The following WIPI1 variants were observed in gnomAD, a reference collection of about 807,000 sequenced individuals.
The protein encoded by WIPI1 is WD repeat domain, phosphoinositide interacting 1.
Under a neutral mutation model 55.3 loss-of-function variants are expected in WIPI1, and 45 were observed. The ratio of observed to expected loss-of-function variants is 0.81; its 90% confidence interval spans 0.64 to 1.04. The LOEUF (loss-of-function observed/expected upper bound fraction) is 1.04, where lower values mean the gene tolerates loss of function less well. Ranked by LOEUF, WIPI1 falls within the 50% of genes least tolerant of loss-of-function variation. The probability of loss-of-function intolerance (pLI) is 0.00; values close to 1 mark genes in which losing one functional copy is unlikely to be tolerated. For missense variants in WIPI1, 445 were observed against 559.0 expected (o/e 0.80, Z 2.06); for synonymous variants, 195 against 217.6 (o/e 0.90, Z 0.92).
chr17:68,453,144 G>A (rs1003807018), intron 1 of WIPI1, 152 bp from the exon 2 acceptor site: 6 of 562,628 alleles, frequency 1.1e-5, no homozygotes, highest in Non-Finnish European at 1.9e-5. Flanking sequence ...AAATGGTGAC[G>A]CATGTCTTGA....
chr17:68,436,266 T>C, intron 5 of WIPI1, 116 bp downstream of exon 5: 1 of 871,024 alleles, frequency 1.1e-6, no homozygotes, highest in Non-Finnish European at 1.9e-6. Flanking sequence ...AACTCCCCAG[T>C]ATTGCTTACT....
At chr17:68,450,979 G>A (rs1016318265) in intron 2 of WIPI1, 82 bp from the exon 3 acceptor site, 14 of 1,511,408 alleles carry the variant, frequency 9.3e-6, no homozygotes, top group African/African-American at 7.0e-5. Flanking sequence ...TGGGCCCGGC[G>A]CAGGCCAGGT....
At chr17:68,433,667 G>T in intron 7 of WIPI1, 92 bp from the exon 8 acceptor site, 1 of 915,236 alleles carries the variant, frequency 1.1e-6, no homozygotes, top group Non-Finnish European at 1.7e-6. Flanking sequence ...AAAATCAGAT[G>T]TATCCTGAAG....
chr17:68,426,254 G>GGGGGGGCCCCCCC, intron 11 of WIPI1, 79 bp from the exon 12 acceptor site: 1 of 816,922 alleles, frequency 1.2e-6, no homozygotes, highest in Non-Finnish European at 1.9e-6. Context: ...GGGAGCGGGG[G>GGGGGGGCCCCCCC]CTCAAATAAA....
At chr17:68,438,940 T>C (rs945308248) in intron 4 of WIPI1, among the ~76,000 whole-genome samples, 1 of 152,142 alleles carries the variant, frequency 6.6e-6, no homozygotes, top group Admixed American at 6.5e-5. Flanking sequence ...AAAAACACGA[T>C]GAGATACCAC....
intron 5 of WIPI1, among the ~76,000 whole-genome samples, chr17:68,436,132 T>C (rs1486052233): frequency 6.6e-6 from 1 of 152,230 alleles, no homozygotes; most frequent in Non-Finnish European, 1.5e-5. Flanking sequence ...GGGAGACAAC[T>C]GGCCCCCTGC....
At chr17:68,440,883 T>G (rs2084045328) in intron 4 of WIPI1, 1 of 152,244 alleles carries the variant, frequency 6.6e-6, no homozygotes, top group Admixed American at 6.5e-5. Context: ...TGTCTCAGGT[T>G]ACGCTTTCCG....
At chr17:68,451,280 A>T (rs2952295) in intron 2 of WIPI1, among the ~76,000 whole-genome samples, 112,117 of 152,094 alleles carry the variant, frequency 0.74, 41,565 homozygotes, top group Middle Eastern at 0.78. Context: ...AAAATATTTT[A>T]AAAATTAGCC....
intron 4 of WIPI1, among the ~76,000 whole-genome samples, chr17:68,438,023 AGTATAAG>A (rs2083904363): frequency 6.7e-6 from 1 of 149,502 alleles, no homozygotes; most frequent in Non-Finnish European, 1.5e-5. Context: ...TTCTTCTAAA[AGTATAAG>A]AAAAAACTTT....
At chr17:68,425,576 G>C (rs2083116214) in intron 12 of WIPI1, among the ~76,000 whole-genome samples, 1 of 152,046 alleles carries the variant, frequency 6.6e-6, no homozygotes, top group African/African-American at 2.4e-5. Context: ...CTGCCGGCCA[G>C]AGCTGCAGGT....
At chr17:68,445,564 C>A (rs567009083) in intron 3 of WIPI1, among the ~76,000 whole-genome samples, 1 of 152,356 alleles carries the variant, frequency 6.6e-6, no homozygotes, top group African/African-American at 2.4e-5. Flanking sequence ...GGGCTCCTCT[C>A]TCTGGTGCTT....
intron 4 of WIPI1, among the ~76,000 whole-genome samples, chr17:68,442,021 C>A (rs2084100629): frequency 6.6e-6 from 1 of 152,158 alleles, no homozygotes; most frequent in Admixed American, 6.5e-5. Flanking sequence ...AATCGATTCC[C>A]TTTACAAACA....
chr17:68,431,548 G>T (rs76703194), intron 8 of WIPI1, among the ~76,000 whole-genome samples: 2,033 of 152,244 alleles, frequency 0.013, 40 homozygotes, highest in African/African-American at 0.046. Context: ...CTGAGGAGGA[G>T]GTGTCATGTT....
At chr17:68,429,532 T>C (rs556236538) in intron 9 of WIPI1, among the ~76,000 whole-genome samples, 1 of 152,314 alleles carries the variant, frequency 6.6e-6, no homozygotes, top group Admixed American at 6.5e-5. Flanking sequence ...AGAATCCGTA[T>C]TGAAGTCAGA....
At chr17:68,430,297 C>G in intron 8 of WIPI1, 137 bp from the exon 9 acceptor site, 1 of 814,002 alleles carries the variant, frequency 1.2e-6, no homozygotes, top group East Asian at 2.6e-5. Context: ...GTTCTGCCCA[C>G]TGAGAACAAT....
At chr17:68,438,597 C>T (rs1273586982) in intron 4 of WIPI1, among the ~76,000 whole-genome samples, 1 of 152,174 alleles carries the variant, frequency 6.6e-6, no homozygotes, top group African/African-American at 2.4e-5. Context: ...TTTCTCAGCA[C>T]ATATGTTTTG....
Position 68,427,161 on chromosome 17 carries a change from C to G in WIPI1, c.1166G>C (p.Ser389Thr). The change falls in exon 11 of 13, where the codon AGT becomes ACT. Residue 389 changes from serine to threonine, a missense_variant. Coordinates refer to ENST00000262139, the MANE Select transcript of WIPI1 (RefSeq NM_017983.7). ...QSYAATVARP[S>T]ASSASTVPGY... ...TGGCACCGTGGAGGCTGAAGATGCA[C>G]TTGGTCTGGCTACGGTCGCTGCATA... 1.9e-6 allele frequency: 3 copies of G among 1,614,062 alleles called. No individual in the cohort carries two copies. Among genetic ancestry groups the G allele is most frequent in the Non-Finnish European group, 2.5e-6 (3 of 1,179,990 alleles).
At chr17:68,435,814 A>G (rs955859515) in intron 5 of WIPI1, 102 bp from the exon 6 acceptor site, 15 of 1,058,084 alleles carry the variant, frequency 1.4e-5, no homozygotes, top group African/African-American at 3.1e-5. Flanking sequence ...TCCTTTGTCC[A>G]GCTCCCTGTC....
At chr17:68,438,428 G>C (rs2083927304) in intron 4 of WIPI1, among the ~76,000 whole-genome samples, 1 of 152,222 alleles carries the variant, frequency 6.6e-6, no homozygotes, top group Non-Finnish European at 1.5e-5. Flanking sequence ...TTGTGAAACT[G>C]GGGAGGGAAG....
Sources: gnomAD v4.1 joint callset for allele counts (sites outside exome capture counted in the v4.1 genomes callset) on GRCh38, gnomAD v4.1.1 for gene constraint, MANE v1.5 for transcripts, NCBI Gene and HGNC (gene_info 2026-07-23, HGNC 2026-07-21) for gene names.